The following ALK variants were observed in gnomAD, a reference collection of about 807,000 sequenced individuals.
ALK encodes the protein ALK receptor tyrosine kinase, also known as ALK tyrosine kinase receptor.
Under a neutral mutation model 163.1 loss-of-function variants are expected in ALK, and 74 were observed. That is an observed-to-expected ratio of 0.45 (90% CI 0.38 to 0.55). The LOEUF (loss-of-function observed/expected upper bound fraction) is 0.55, where lower values mean the gene tolerates loss of function less well. Ranked by LOEUF, ALK falls within the 20% of genes least tolerant of loss-of-function variation. The probability of loss-of-function intolerance (pLI) is 0.00; values close to 1 mark genes in which losing one functional copy is unlikely to be tolerated. For missense variants in ALK, 2,063 were observed against 2,105.3 expected (o/e 0.98, Z 0.39); for synonymous variants, 960 against 843.2 (o/e 1.14, Z -2.40).
intron 3 of ALK, among the ~76,000 whole-genome samples, chr2:29,578,585 G>A (rs72780260): frequency 0.052 from 7,896 of 152,278 alleles, 235 homozygotes; most frequent in South Asian, 0.068. Flanking sequence ...GGGCTCCCAT[G>A]TGAAGGCATT....
At chr2:29,330,088 C>G (rs1667395258) in intron 5 of ALK, among the ~76,000 whole-genome samples, 1 of 152,162 alleles carries the variant, frequency 6.6e-6, no homozygotes, top group South Asian at 2.1e-4. Flanking sequence ...CATTGTCCAC[C>G]CTGCCTCCTA....
chr2:29,506,410 TC>T (rs1672323361), intron 4 of ALK, among the ~76,000 whole-genome samples: 1 of 152,138 alleles, frequency 6.6e-6, no homozygotes, highest in Non-Finnish European at 1.5e-5. Context: ...CAGGGTGAGC[TC>T]ATCAGGGGAT....
intron 11 of ALK, among the ~76,000 whole-genome samples, chr2:29,258,110 G>T (rs920586242): frequency 1.3e-5 from 2 of 152,140 alleles, no homozygotes; most frequent in African/African-American, 4.8e-5. Context: ...GTCATTACAG[G>T]CAAAAGCCAT....
At chr2:29,549,088 C>G (rs1027877811) in intron 3 of ALK, among the ~76,000 whole-genome samples, 2 of 151,728 alleles carry the variant, frequency 1.3e-5, no homozygotes, top group African/African-American at 4.8e-5. Flanking sequence ...ATAAAATATC[C>G]TCATTGTAAC....
At chr2:29,527,684 T>C (rs1041931616) in intron 4 of ALK, among the ~76,000 whole-genome samples, 17 of 152,140 alleles carry the variant, frequency 1.1e-4, no homozygotes, top group Non-Finnish European at 2.4e-4. Flanking sequence ...ACTAAAAATA[T>C]ATTTTTTTTG....
intron 9 of ALK, among the ~76,000 whole-genome samples, chr2:29,284,942 G>C (rs919273751): frequency 6.6e-6 from 1 of 152,162 alleles, no homozygotes; most frequent in Admixed American, 6.5e-5. Context: ...ACAGGCTGTC[G>C]ATGGACAGTG....
intron 13 of ALK, 63 bp from the exon 14 acceptor site, chr2:29,233,759 C>T: frequency 6.2e-7 from 1 of 1,609,034 alleles, no homozygotes; most frequent in African/African-American, 1.3e-5. Context: ...TTGCAGCAGA[C>T]AGAACTTCTA....
At chr2:29,595,671 C>T (rs1442940706) in intron 3 of ALK, among the ~76,000 whole-genome samples, 1 of 152,116 alleles carries the variant, frequency 6.6e-6, no homozygotes, top group Non-Finnish European at 1.5e-5. Flanking sequence ...TCTTAAAGAG[C>T]TCCTCTCAAT....
At chr2:29,393,632 A>T (rs1395827211) in intron 4 of ALK, among the ~76,000 whole-genome samples, 1 of 152,196 alleles carries the variant, frequency 6.6e-6, no homozygotes, top group African/African-American at 2.4e-5. Context: ...TCATTTCTGA[A>T]GGCTCCCAAG....
At chr2:29,439,024 T>C (rs1487164626) in intron 4 of ALK, among the ~76,000 whole-genome samples, 1 of 152,196 alleles carries the variant, frequency 6.6e-6, no homozygotes, top group Non-Finnish European at 1.5e-5. Flanking sequence ...CCAGATATTG[T>C]TGCTGAGAGA....
intron 11 of ALK, among the ~76,000 whole-genome samples, chr2:29,274,524 A>G (rs920039089): frequency 1.3e-5 from 2 of 152,250 alleles, no homozygotes; most frequent in Admixed American, 6.5e-5. Context: ...AGTGGTGGAG[A>G]AGTCACACCT....
At chr2:29,515,777 C>T (rs771662504) in intron 4 of ALK, among the ~76,000 whole-genome samples, 14 of 152,150 alleles carry the variant, frequency 9.2e-5, no homozygotes, top group Non-Finnish European at 1.5e-4. Flanking sequence ...AGTTTCAGCA[C>T]GGAAGATGCA....
At chr2:29,669,857 GAATA>G (rs1677628688) in intron 3 of ALK, among the ~76,000 whole-genome samples, 1 of 120,134 alleles carries the variant, frequency 8.3e-6, no homozygotes, top group Non-Finnish European at 1.7e-5. Flanking sequence ...ACAAATAGAA[GAATA>G]AAAACAAAGG....
At chr2:29,514,296 T>G (rs558209190) in intron 4 of ALK, among the ~76,000 whole-genome samples, 2 of 147,488 alleles carry the variant, frequency 1.4e-5, no homozygotes, top group African/African-American at 5.1e-5. Context: ...GTGGCACATA[T>G]ACACCATGGA....
At chr2:29,347,626 G>C (rs1667990015) in intron 5 of ALK, among the ~76,000 whole-genome samples, 1 of 152,194 alleles carries the variant, frequency 6.6e-6, no homozygotes, top group Non-Finnish European at 1.5e-5. Flanking sequence ...ATAACTGGCT[G>C]TATGGTCCCA....
Position 29,920,330 on chromosome 2 carries a change from C to T in ALK, c.330G>A (p.Trp110Ter). ...CTGCCGGGGCTGGTGAACCGGCGGT[C>T]CAGGAGACCCCCGGCGCCGGCCCCA... Reference protein sequence around the residue: ...RLLGPAPGVSWTAGSPAPAEA... With the variant: ...RLLGPAPGVS The change falls in exon 1 of 29, where the codon TGG becomes TGA. Residue 110 changes from tryptophan (W) to a stop codon, truncating the protein, a stop_gained. Coordinates refer to ENST00000389048, the MANE Select transcript of ALK (RefSeq NM_004304.5). LOFTEE classifies it high-confidence loss of function. 1 of 1,552,616 alleles carries T rather than the reference C, an allele frequency of 6.4e-7. No homozygotes were observed. The highest frequency in any genetic ancestry group is 8.7e-7 in the Non-Finnish European group (1 of 1,149,634).
intron 1 of ALK, among the ~76,000 whole-genome samples, chr2:29,765,422 C>T (rs1256158102): frequency 6.6e-6 from 1 of 152,118 alleles, no homozygotes; most frequent in Non-Finnish European, 1.5e-5. Context: ...ACCTCTGCTC[C>T]CATCCCTCAT....
chr2:29,662,140 G>A (rs888984037), intron 3 of ALK, among the ~76,000 whole-genome samples: 3 of 152,048 alleles, frequency 2.0e-5, no homozygotes, highest in African/African-American at 4.8e-5. Context: ...TTGAACTCCT[G>A]AGCTCAGGCA....
chr2:29,789,257 T>C (rs1233036785), intron 1 of ALK, among the ~76,000 whole-genome samples: 1 of 152,164 alleles, frequency 6.6e-6, no homozygotes, highest in Non-Finnish European at 1.5e-5. Flanking sequence ...GCTGAGAATC[T>C]CCAGTGCTCC....
Sources: allele counts gnomAD v4.1 joint callset (sites outside exome capture counted in the v4.1 genomes callset), GRCh38; gene constraint gnomAD v4.1.1; transcripts MANE v1.5; gene names NCBI Gene and HGNC (gene_info 2026-07-23, HGNC 2026-07-21).